Variants in SYBU observed in about 807,000 individuals in gnomAD.
The protein encoded by SYBU is GOLSYN A protein.
Under a neutral mutation model 35.9 loss-of-function variants are expected in SYBU, and 21 were observed. That is an observed-to-expected ratio of 0.58 (90% CI 0.41 to 0.84). The LOEUF (loss-of-function observed/expected upper bound fraction) is 0.84, where lower values mean the gene tolerates loss of function less well. SYBU is among the 40% of genes least tolerant of loss of function. The pLI is 0.00. For synonymous variants in SYBU, 319 were observed against 324.3 expected, an observed-to-expected ratio of 0.98 and a Z score of 0.18; for missense variants, 768 against 848.2, an observed-to-expected ratio of 0.91 and a Z score of 1.17.
At chr8:109,582,508 A>G (rs1385304211) in intron 4 of SYBU, among the ~76,000 whole-genome samples, 4 of 152,230 alleles carry the variant, frequency 2.6e-5, no homozygotes, top group Non-Finnish European at 5.9e-5. Context: ...GAGGAAAGAA[A>G]ATTCTGCTGA....
intron 1 of SYBU, among the ~76,000 whole-genome samples, chr8:109,658,790 T>C (rs3133929): frequency 0.34 from 52,264 of 151,880 alleles, 10,765 homozygotes; most frequent in Non-Finnish European, 0.47. Context: ...CCCATCTCTA[T>C]GAAAAATACA....
intron 3 of SYBU, among the ~76,000 whole-genome samples, chr8:109,601,265 A>AC (rs1825484500): frequency 6.6e-6 from 1 of 152,124 alleles, no homozygotes; most frequent in African/African-American, 2.4e-5. Flanking sequence ...GCTGAGACTC[A>AC]CCCCAAATCA....
chr8:109,652,578 A>G (rs1198008906), intron 1 of SYBU, among the ~76,000 whole-genome samples: 6 of 152,150 alleles, frequency 3.9e-5, no homozygotes, highest in Admixed American at 2.6e-4. Context: ...GTGTTTTGTT[A>G]ATTAGCAATA....
intron 3 of SYBU, among the ~76,000 whole-genome samples, chr8:109,604,258 C>T (rs1825841243): frequency 6.6e-6 from 1 of 152,012 alleles, no homozygotes; most frequent in African/African-American, 2.4e-5. Context: ...AAGTTAACAA[C>T]GATTGCATGT....
intron 3 of SYBU, chr8:109,608,039 C>A: frequency 1.6e-6 from 2 of 1,260,606 alleles, no homozygotes; most frequent in South Asian, 2.9e-5. Context: ...AGTACAGTCT[C>A]AGAGTGGGGT....
At chr8:109,680,189 C>T (rs546006767) in intron 1 of SYBU, 1 of 152,302 alleles carries the variant, frequency 6.6e-6, no homozygotes, top group Non-Finnish European at 1.5e-5. Context: ...TTTTCACTTA[C>T]ATTCTAGAGC....
rs1251217259 is a variant in SYBU at position 109,619,009 on chromosome 8, A to G, written c.260T>C (p.Val87Ala). The G allele has an allele frequency of 6.2e-7, 1 of 1,614,148 alleles. No homozygotes were observed. Among genetic ancestry groups the G allele is most frequent in the Non-Finnish European group, 8.5e-7 (1 of 1,179,976 alleles). ...ATCTGAGGGTGTCTTCACAGGAGAC[A>G]CTGACTGGCTGCTAGGACAGCCTGT... ...DDTGCPSSQS[V>A]SPVKTPSDAG... Residue 87 changes from valine (V) to alanine (A), a missense_variant, in exon 3 of 7, where the codon GTG becomes GCG. Coordinates refer to ENST00000276646, the MANE Select transcript of SYBU (RefSeq NM_001099754.2).
intron 2 of SYBU, among the ~76,000 whole-genome samples, chr8:109,633,703 G>A (rs1237997383): frequency 6.6e-6 from 1 of 152,058 alleles, no homozygotes; most frequent in African/African-American, 2.4e-5. Flanking sequence ...TGGGAAACAT[G>A]AAAATGTGGC....
At chr8:109,679,544 G>A (rs984252410) in intron 1 of SYBU, among the ~76,000 whole-genome samples, 10 of 152,182 alleles carry the variant, frequency 6.6e-5, no homozygotes, top group East Asian at 1.9e-4. Flanking sequence ...TAGTTTGTCC[G>A]CACAATAATG....
intron 1 of SYBU, among the ~76,000 whole-genome samples, chr8:109,678,434 CTTTTTTTT>C (rs10717299): frequency 5.1e-5 from 3 of 58,362 alleles, no homozygotes; most frequent in Admixed American, 5.0e-4. Flanking sequence ...TTCAAATAAC[CTTTTTTTT>C]TTTTTTTTTT....
chr8:109,582,318 T>C (rs1823123913), intron 4 of SYBU, among the ~76,000 whole-genome samples: 1 of 152,312 alleles, frequency 6.6e-6, no homozygotes, highest in East Asian at 1.9e-4. Flanking sequence ...CTTCATTTAG[T>C]AGTTCAAATG....
rs141593130 is a variant in SYBU at position 109,656,880 on chromosome 8, A to G, written c.-129+23831T>C. Among the ~76,000 whole-genome samples, 1,080 of 152,258 alleles carry G rather than the reference A, an allele frequency of 7.1e-3. 10 individuals are homozygous for G. The highest frequency in any genetic ancestry group is 0.024 in the African/African-American group (981 of 41,578). ...AATACTATTATTTATTTTAAATATT[A>G]AAATCAAATATTATTTTGACACTTA... On this transcript the variant is annotated intron_variant, in intron 1 of 5. Transcript: ENST00000408889.
At chr8:109,661,388 A>G (rs1816555694) in intron 1 of SYBU, among the ~76,000 whole-genome samples, 1 of 152,234 alleles carries the variant, frequency 6.6e-6, no homozygotes, top group Non-Finnish European at 1.5e-5. Context: ...AACCTCATTT[A>G]GCTTCTAACT....
intron 2 of SYBU, among the ~76,000 whole-genome samples, chr8:109,638,210 G>T (rs1221875344): frequency 2.6e-5 from 4 of 152,208 alleles, no homozygotes; most frequent in East Asian, 3.9e-4. Context: ...TTCTAAGGGG[G>T]TAATTATTGC....
rs1363090406 is a variant in SYBU, at chr8:109,577,855, A to T, written c.884+13T>A. 2.5e-6 allele frequency: 4 copies of T among 1,608,648 alleles called. No homozygotes were observed. The highest frequency in any genetic ancestry group is 3.4e-6 in the Non-Finnish European group (4 of 1,177,120). ...TTGTCCTACACCCCACCGTTCAAGG[A>T]AGGCAGATTCACCTTTCATGGAGTC... On this transcript the variant is annotated intron_variant, in intron 6 of 6. Coordinates refer to ENST00000276646, the MANE Select transcript of SYBU (RefSeq NM_001099754.2).
intron 3 of SYBU, among the ~76,000 whole-genome samples, chr8:109,589,299 C>A (rs923023511): frequency 6.6e-6 from 1 of 152,216 alleles, no homozygotes; most frequent in Admixed American, 6.5e-5. Context: ...TTCTCTGTGT[C>A]CCAGTTTCCT....
Position 109,586,240 on chromosome 8 carries a change from G to A in SYBU, c.428-78C>T, listed in dbSNP as rs572897498. ...CATTGGCCAGTTCCCTGCCTTCCAG[G>A]TCCCTGCTCCCTGCGTTTGCACACT... On this transcript the variant is annotated intron_variant, in intron 3 of 6. Transcript: ENST00000276646. 4.6e-4 allele frequency: 485 copies of A among 1,061,912 alleles called. 2 individuals are homozygous for A. In the African/African-American group the frequency reaches 6.9e-3, roughly 15 times the overall value. 65.8% of individuals were successfully genotyped at this position (1,061,912 alleles called of 1,614,324 possible). A position where few individuals can be genotyped will look rare whatever the true frequency, so the allele number is the denominator to read the frequency against.
At chr8:109,627,373 G>A (rs537316806) in intron 2 of SYBU, among the ~76,000 whole-genome samples, 2 of 152,288 alleles carry the variant, frequency 1.3e-5, no homozygotes, top group Admixed American at 1.3e-4. Flanking sequence ...GACAGATAAA[G>A]TGTCACAGCT....
upstream of SYBU, among the ~76,000 whole-genome samples, chr8:109,683,251 A>C (rs759669024): frequency 3.3e-5 from 5 of 152,268 alleles, no homozygotes; most frequent in Non-Finnish European, 5.9e-5. Flanking sequence ...CTGTGAAAGC[A>C]GCCAGGAGTT....
Sources: gnomAD v4.1 joint callset for allele counts (sites outside exome capture counted in the v4.1 genomes callset) on GRCh38, gnomAD v4.1.1 for gene constraint, MANE v1.5 for transcripts, NCBI Gene and HGNC (gene_info 2026-07-23, HGNC 2026-07-21) for gene names.